The following ERBB2 variants were observed in gnomAD, a reference collection of about 807,000 sequenced individuals.
The protein encoded by ERBB2 is receptor tyrosine-protein kinase erbB-2.
ERBB2 carries 61 observed loss-of-function variants against 149.0 expected under a neutral mutation model. The ratio of observed to expected loss-of-function variants is 0.41; its 90% confidence interval spans 0.33 to 0.51. ERBB2 has a LOEUF of 0.51. Among genes scored for constraint, ERBB2 ranks in the 20% least tolerant of loss-of-function variants. The pLI is 0.25. For synonymous variants in ERBB2, 633 were observed against 678.8 expected (o/e 0.93, Z 1.05); for missense variants, 1,205 against 1,655.1 (o/e 0.73, Z 4.72).
chr17:39,699,857 A>C, upstream of ERBB2: 5 of 588,656 alleles, frequency 8.5e-6, no homozygotes, highest in Non-Finnish European at 1.4e-5. Context: ...CAGGCAACCC[A>C]GGCGTCCCGG....
At position 39,723,591 on chromosome 17, in the gene ERBB2, G is replaced by T. The variant is rs2145813883; in HGVS notation, c.2139G>T (p.Arg713=). 6.2e-7 allele frequency: 1 copy of T among 1,609,004 alleles called. No homozygotes were observed. Among genetic ancestry groups the T allele is most frequent in the Non-Finnish European group, 8.5e-7 (1 of 1,177,634 alleles). ...SGAMPNQAQM[R]ILKETELRKV... ...CGATGCCCAACCAGGCGCAGATGCGGATCCTGAAAGAGACGGAGCTGAGGA... is the reference window on the plus strand; with the variant it reads ...CGATGCCCAACCAGGCGCAGATGCGTATCCTGAAAGAGACGGAGCTGAGGA... The change falls in exon 18 of 27, where the codon CGG becomes CGT. Residue 713 remains arginine (R), a synonymous_variant. Coordinates refer to ENST00000269571, the MANE Select transcript of ERBB2 (RefSeq NM_004448.4). This position sits in a 1 kb window ranked among gnomAD's most constrained non-coding sequence, Gnocchi z 6.2.
At chr17:39,695,701 G>GCACACACA (rs1226871960), upstream of ERBB2, among the ~76,000 whole-genome samples, 3 of 41,866 alleles carry the variant, frequency 7.2e-5, no homozygotes, top group Admixed American at 5.6e-4. Flanking sequence ...TTTGGTGCAT[G>GCACACACA]CATACACACA....
upstream of ERBB2, among the ~76,000 whole-genome samples, chr17:39,693,765 AAATAATAAT>A (rs71355408): frequency 1.2e-3 from 177 of 143,440 alleles, no homozygotes; most frequent in South Asian, 7.3e-3. Context: ...CTCGAAAATA[AAATAATAAT>A]AATAATAATA....
rs1284110310 is a variant in ERBB2 at position 39,706,999 on chromosome 17, G to C, written c.83G>C (p.Gly28Ala). 1 of 1,586,002 alleles carries C rather than the reference G, an allele frequency of 6.3e-7. No homozygotes were observed. Among genetic ancestry groups the C allele is most frequent in the Non-Finnish European group, 8.6e-7 (1 of 1,165,554 alleles). ...PGAASTQVCTGTDMKLRLPAS... is the reference protein window; with the variant it reads ...PGAASTQVCTATDMKLRLPAS... ...TGCTCTCTCCTGCCAGTGTGCACCG[G>C]CACAGACATGAAGCTGCGGCTCCCT... The change falls in exon 2 of 27, where the codon GGC (glycine) becomes GCC (alanine). Residue 28 changes from glycine (G) to alanine (A), a missense_variant. By Grantham distance (60) the Gly-to-Ala change is moderately conservative. Around this residue, in one of 6 missense-constraint regions of ERBB2, gnomAD observed 101 missense variants for 95.1 expected, o/e 1.06. Coordinates refer to ENST00000269571, the MANE Select transcript of ERBB2 (RefSeq NM_004448.4).
intron 14 of ERBB2, chr17:39,716,987 T>TA (rs2059168912): frequency 2.3e-6 from 1 of 435,300 alleles, no homozygotes; most frequent in Non-Finnish European, 4.2e-6. Context: ...AGAATGAAAT[T>TA]AAACAGGGCT....
upstream of ERBB2, among the ~76,000 whole-genome samples, chr17:39,691,557 ATAT>A (rs759512141): frequency 8.6e-5 from 5 of 58,426 alleles, no homozygotes; most frequent in Admixed American, 3.3e-4. Flanking sequence ...AAAAAAAAAA[ATAT>A]ATATATATAT....
At position 39,728,595 on chromosome 17, in the gene ERBB2, G is replaced by C. The variant is rs1182600687; in HGVS notation, c.*551G>C. On this transcript the variant is annotated 3_prime_UTR_variant, in exon 27 of 27. Coordinates refer to ENST00000269571, the MANE Select transcript of ERBB2 (RefSeq NM_004448.4). ...GGGGAGAATGGGTGTTGTATGGGGA[G>C]GCAAGTGTGGGGGGTCCTTCTCCAC... is the stretch of plus-strand genomic sequence containing the variant. The C allele has an allele frequency of 4.3e-6, 1 of 233,368 alleles. No individual in the cohort carries two copies. The highest frequency in any genetic ancestry group is 8.5e-6 in the Non-Finnish European group (1 of 118,158). The allele number at this position is 233,368 out of a possible 1,614,324, so 14.5% of individuals were successfully genotyped here.
At chr17:39,702,128 A>G (rs1471623355) in intron 1 of ERBB2, among the ~76,000 whole-genome samples, 1 of 152,098 alleles carries the variant, frequency 6.6e-6, no homozygotes, top group African/African-American at 2.4e-5. Context: ...ACAAGGCAAA[A>G]CTCTGTACAA....
chr17:39,726,203 G>A lies in ERBB2; in HGVS notation c.2872+350G>A, dbSNP rs746348858. The A allele has an allele frequency of 4.9e-6, 2 of 406,508 alleles. No homozygotes were observed. The highest frequency in any genetic ancestry group is 4.5e-6 in the Non-Finnish European group (1 of 224,510). The allele number at this position is 406,508 out of a possible 1,614,324, so 25.2% of individuals were successfully genotyped here. ...AAAAAAATTATCTGGGTGTGGTGGT[G>A]TGTGCCAGTAGTCCCAGCTACTCAG... On this transcript the variant is annotated intron_variant, in intron 23 of 26. Transcript: ENST00000269571. The surrounding 1 kb of genome is among the most constrained non-coding windows in gnomAD (Gnocchi z 5.1).
upstream of ERBB2, among the ~76,000 whole-genome samples, chr17:39,692,680 C>T (rs2057740874): frequency 6.6e-6 from 1 of 152,020 alleles, no homozygotes; most frequent in African/African-American, 2.4e-5. Context: ...GCTAGGATTA[C>T]AGGCGTGAGC....
intron 9 of ERBB2, among the ~76,000 whole-genome samples, chr17:39,713,509 G>C (rs1219725756): frequency 6.6e-6 from 1 of 151,768 alleles, no homozygotes; most frequent in Non-Finnish European, 1.5e-5. Context: ...CCAGCACTTT[G>C]GGAGGCCGAG....
Position 39,725,322 on chromosome 17 carries a change from C to T in ERBB2, c.2650-5C>T, listed in dbSNP as rs150056709. 4.6e-5 allele frequency: 75 copies of T among 1,613,934 alleles called. No individual in the cohort carries two copies. Among genetic ancestry groups the T allele is most frequent in the South Asian group, 2.0e-4 (18 of 91,080 alleles). ...GTTGGAGGACTTCCTCTTCTGCCCT[C>T]CCAGGTGCCCATCAAGTGGATGGCG... is the stretch of plus-strand genomic sequence containing the variant. On this transcript the variant is annotated splice_region_variant and splice_polypyrimidine_tract_variant and intron_variant, in intron 21 of 26. Transcript: ENST00000269571. The surrounding 1 kb of genome is among the most constrained non-coding windows in gnomAD (Gnocchi z 4.6).
At chr17:39,698,049 C>T (rs1193157128), upstream of ERBB2, among the ~76,000 whole-genome samples, 2 of 152,162 alleles carry the variant, frequency 1.3e-5, no homozygotes, top group East Asian at 3.8e-4. Context: ...TCAGGCCCCA[C>T]AAAACCTAGA....
intron 9 of ERBB2, among the ~76,000 whole-genome samples, chr17:39,714,497 C>T (rs1403374534): frequency 6.6e-6 from 1 of 152,186 alleles, no homozygotes; most frequent in Non-Finnish European, 1.5e-5. Context: ...GATGGTTATA[C>T]CACCATGCCT....
Position 39,715,457 on chromosome 17 carries a change from A to T in ERBB2, c.1234A>T (p.Ile412Phe). The change falls in exon 11 of 27, where the codon ATC becomes TTC. Residue 412 changes from isoleucine (I) to phenylalanine (F), a missense_variant. Coordinates refer to ENST00000269571, the MANE Select transcript of ERBB2 (RefSeq NM_004448.4). ...TLEEITGYLY[I>F]SAWPDSLPDL... The stretch of plus-strand genomic sequence containing the variant: ...CCCTCTGCCTGCAGGTTACCTATAC[A>T]TCTCAGCATGGCCGGACAGCCTGCC... 10 of 1,614,114 alleles carry T rather than the reference A, an allele frequency of 6.2e-6. No individual in the cohort carries two copies. Among genetic ancestry groups the T allele is most frequent in the Non-Finnish European group, 8.5e-6 (10 of 1,180,020 alleles).
rs775678910 is a variant in ERBB2, at chr17:39,716,419, C to T, written c.1632C>T (p.Cys544=). 2 of 1,609,562 alleles carry T rather than the reference C, an allele frequency of 1.2e-6. No individual in the cohort carries two copies. The highest frequency in any genetic ancestry group is 1.7e-6 in the Non-Finnish European group (2 of 1,176,650). The change falls in exon 13 of 27, where the codon TGC becomes TGT. Residue 544 remains cysteine (C), a synonymous_variant. Transcript: ENST00000269571. Reference sequence around the variant, plus strand: ...GGGGCCAGGAGTGCGTGGAGGAATGCCGAGTACTGCAGGGGTATGAGGGGC... The same window carrying T: ...GGGGCCAGGAGTGCGTGGAGGAATGTCGAGTACTGCAGGGGTATGAGGGGC... ...FLRGQECVEE[C]RVLQGLPREY... is the part of the protein sequence containing the mutation.
At chr17:39,690,000 A>C (rs2057659876), upstream of ERBB2, among the ~76,000 whole-genome samples, 1 of 152,208 alleles carries the variant, frequency 6.6e-6, no homozygotes, top group African/African-American at 2.4e-5. Flanking sequence ...ACATTAAATA[A>C]GATTTATAAA....
At chr17:39,695,748 C>T (rs1253490163), upstream of ERBB2, among the ~76,000 whole-genome samples, 1 of 150,624 alleles carries the variant, frequency 6.6e-6, no homozygotes, top group African/African-American at 2.5e-5. Flanking sequence ...CACACACACA[C>T]ACACACACAC....
chr17:39,707,953 C>T (rs1187587379), intron 2 of ERBB2: 4 of 190,338 alleles, frequency 2.1e-5, no homozygotes, highest in Non-Finnish European at 2.2e-5. Flanking sequence ...GAGCCTAGAT[C>T]GTGCCATTGT....
Sources: allele counts gnomAD v4.1 joint callset (sites outside exome capture counted in the v4.1 genomes callset), GRCh38; gene constraint gnomAD v4.1.1; regional missense constraint gnomAD v4.1.1; non-coding constraint Gnocchi (gnomAD v3.1); transcripts MANE v1.5; gene names NCBI Gene and HGNC (gene_info 2026-07-23, HGNC 2026-07-21).